LRFN2: variants seen among roughly 807,000 people sequenced by gnomAD.
The protein encoded by LRFN2 is leucine rich repeat and fibronectin type III domain containing 2.
LRFN2 carries 18 observed loss-of-function variants against 37.3 expected under a neutral mutation model. The ratio of observed to expected loss-of-function variants is 0.48; its 90% confidence interval spans 0.33 to 0.72. The LOEUF (loss-of-function observed/expected upper bound fraction) is 0.72. Among genes scored for constraint, LRFN2 ranks in the 30% least tolerant of loss-of-function variants. LRFN2 has a pLI of 0.02. For missense variants in LRFN2, 1,006 were observed against 1,060.7 expected, an observed-to-expected ratio of 0.95 and a Z score of 0.72; for synonymous variants, 556 against 466.6, an observed-to-expected ratio of 1.19 and a Z score of -2.47.
At chr6:40,507,932 G>A (rs151026081) in intron 1 of LRFN2, among the ~76,000 whole-genome samples, 54 of 152,264 alleles carry the variant, frequency 3.5e-4, no homozygotes, top group African/African-American at 1.1e-3. Flanking sequence ...TTATGACATT[G>A]TATGCATGTC....
chr6:40,514,549 A>G (rs1765804312), intron 1 of LRFN2, among the ~76,000 whole-genome samples: 1 of 152,184 alleles, frequency 6.6e-6, no homozygotes, highest in Non-Finnish European at 1.5e-5. Context: ...TCCTGACCTC[A>G]GGTGATCTGC....
intron 1 of LRFN2, among the ~76,000 whole-genome samples, chr6:40,556,658 G>GTCTC (rs60167160): frequency 0.026 from 3,668 of 139,396 alleles, 74 homozygotes; most frequent in Admixed American, 0.037. Context: ...TTAGAACCAG[G>GTCTC]TCTCTCTCTC....
intron 1 of LRFN2, among the ~76,000 whole-genome samples, chr6:40,508,338 C>G (rs1038534420): frequency 6.6e-6 from 1 of 152,226 alleles, no homozygotes; most frequent in Non-Finnish European, 1.5e-5. Flanking sequence ...CATCTCCCAC[C>G]CCACAGCTTC....
At chr6:40,581,556 C>T (rs565054076) in intron 1 of LRFN2, among the ~76,000 whole-genome samples, 1 of 152,312 alleles carries the variant, frequency 6.6e-6, no homozygotes, top group East Asian at 1.9e-4. Flanking sequence ...CCCTTCTTCC[C>T]CAGGGGGGCA....
intron 1 of LRFN2, among the ~76,000 whole-genome samples, chr6:40,528,053 C>A (rs422952): frequency 0.1 from 15,647 of 152,254 alleles, 835 homozygotes; most frequent in South Asian, 0.11. Context: ...CAAGGTCACA[C>A]CGCTGATTAA....
intron 2 of LRFN2, among the ~76,000 whole-genome samples, chr6:40,394,954 CTTTTTTT>C (rs3048994): frequency 3.3e-5 from 4 of 120,782 alleles, no homozygotes; most frequent in African/African-American, 1.3e-4. Flanking sequence ...TTTTCTTTTC[CTTTTTTT>C]TTTTTTTTTT....
At chr6:40,447,001 T>C (rs1763986178) in intron 1 of LRFN2, among the ~76,000 whole-genome samples, 1 of 149,228 alleles carries the variant, frequency 6.7e-6, no homozygotes, top group African/African-American at 2.5e-5. Flanking sequence ...AGACTGGAGC[T>C]CCCTGGGATT....
intron 1 of LRFN2, among the ~76,000 whole-genome samples, chr6:40,457,620 CAAAG>C (rs1764261616): frequency 2.1e-5 from 1 of 47,536 alleles, no homozygotes; most frequent in Admixed American, 2.7e-4. Context: ...GCCTAGGCAA[CAAAG>C]AAAGACCCTG....
At chr6:40,475,483 T>C (rs1352095524) in intron 1 of LRFN2, among the ~76,000 whole-genome samples, 1 of 152,078 alleles carries the variant, frequency 6.6e-6, no homozygotes, top group Non-Finnish European at 1.5e-5. Flanking sequence ...TGGGGTGTCA[T>C]GAGATGTGTG....
intron 1 of LRFN2, among the ~76,000 whole-genome samples, chr6:40,561,433 C>G (rs1766992895): frequency 6.6e-6 from 1 of 152,208 alleles, no homozygotes; most frequent in African/African-American, 2.4e-5. Flanking sequence ...ATCCATGTCT[C>G]CTAGAACTTC....
chr6:40,444,581 A>G (rs1763922030), intron 1 of LRFN2, among the ~76,000 whole-genome samples: 1 of 152,282 alleles, frequency 6.6e-6, no homozygotes, highest in East Asian at 1.9e-4. Context: ...ACAACCGGAT[A>G]CAGCAGGAAG....
At chr6:40,569,762 C>T (rs529881670) in intron 1 of LRFN2, among the ~76,000 whole-genome samples, 1 of 152,298 alleles carries the variant, frequency 6.6e-6, no homozygotes, top group East Asian at 1.9e-4. Context: ...ACACAGCTAC[C>T]TAGGCCAAGT....
chr6:40,418,417 C>G (rs1763144658), intron 2 of LRFN2, among the ~76,000 whole-genome samples: 1 of 152,164 alleles, frequency 6.6e-6, no homozygotes, highest in African/African-American at 2.4e-5. Flanking sequence ...CCTTGATATT[C>G]AAGGCCACCC....
chr6:40,408,052 TG>T (rs1318415105), intron 2 of LRFN2: 4 of 154,030 alleles, frequency 2.6e-5, no homozygotes, highest in African/African-American at 9.7e-5. Flanking sequence ...AGTAGCAGGG[TG>T]GTTGCTGGGT....
chr6:40,499,960 G>T (rs200039342), intron 1 of LRFN2, among the ~76,000 whole-genome samples: 1 of 152,228 alleles, frequency 6.6e-6, no homozygotes, highest in Non-Finnish European at 1.5e-5. Context: ...TCTGCAGTTC[G>T]TATGTATTTC....
intron 1 of LRFN2, among the ~76,000 whole-genome samples, chr6:40,532,379 T>A (rs566837293): frequency 4.6e-5 from 7 of 152,364 alleles, no homozygotes; most frequent in Middle Eastern, 6.8e-3. Context: ...TTATATTTGT[T>A]CAATTTATAT....
At chr6:40,527,337 G>A (rs1029921864) in intron 1 of LRFN2, among the ~76,000 whole-genome samples, 1 of 152,204 alleles carries the variant, frequency 6.6e-6, no homozygotes, top group Non-Finnish European at 1.5e-5. Flanking sequence ...AATGTTCAAT[G>A]ATGCTTACTC....
At chr6:40,524,583 G>A (rs1308881254) in intron 1 of LRFN2, among the ~76,000 whole-genome samples, 1 of 152,132 alleles carries the variant, frequency 6.6e-6, no homozygotes, top group African/African-American at 2.4e-5. Flanking sequence ...GCAGGGGGCC[G>A]AGGCGCTCCT....
intron 1 of LRFN2, among the ~76,000 whole-genome samples, chr6:40,451,761 G>A (rs1764116159): frequency 6.6e-6 from 1 of 152,156 alleles, no homozygotes; most frequent in Non-Finnish European, 1.5e-5. Flanking sequence ...CTAGTCACAT[G>A]TGTAGCTCTA....
Sources: allele counts gnomAD v4.1 joint callset (sites outside exome capture counted in the v4.1 genomes callset), GRCh38; gene constraint gnomAD v4.1.1; transcripts MANE v1.5; gene names NCBI Gene and HGNC (gene_info 2026-07-23, HGNC 2026-07-21).